Variants in DSCAM observed in about 807,000 individuals in gnomAD.
DSCAM encodes cell adhesion molecule DSCAM.
DSCAM carries 47 observed loss-of-function variants against 217.7 expected under a neutral mutation model. The observed-to-expected ratio is 0.22, with a 90% CI of 0.17 to 0.28. The LOEUF (loss-of-function observed/expected upper bound fraction) is 0.28, where lower values mean the gene tolerates loss of function less well. Ranked by LOEUF, DSCAM falls within the 10% of genes least tolerant of loss-of-function variation. The pLI is 1.00. For synonymous variants in DSCAM, 1,056 were observed against 1,015.3 expected (o/e 1.04, Z -0.76); for missense variants, 2,080 against 2,618.3 (o/e 0.79, Z 4.49).
intron 8 of DSCAM, among the ~76,000 whole-genome samples, chr21:40,327,014 C>T (rs1032329103): frequency 4.6e-5 from 7 of 151,104 alleles, no homozygotes; most frequent in African/African-American, 1.2e-4. Context: ...ATGAAGTACA[C>T]AATTTTATTG....
intron 11 of DSCAM, among the ~76,000 whole-genome samples, chr21:40,204,347 G>A (rs1222172988): frequency 6.6e-6 from 1 of 152,218 alleles, no homozygotes; most frequent in Non-Finnish European, 1.5e-5. Flanking sequence ...CTGGGTGTCT[G>A]CTGGAAGACT....
chr21:40,362,171 A>G (rs1482324099), intron 4 of DSCAM, among the ~76,000 whole-genome samples: 2 of 152,060 alleles, frequency 1.3e-5, no homozygotes, highest in African/African-American at 4.8e-5. Context: ...CCAGTCTATC[A>G]TTGTTGGACA....
At chr21:40,118,212 G>A (rs1206656967) in intron 20 of DSCAM, among the ~76,000 whole-genome samples, 1 of 152,216 alleles carries the variant, frequency 6.6e-6, no homozygotes, top group Non-Finnish European at 1.5e-5. Flanking sequence ...TGACAGGGAT[G>A]TGGACAACAG....
chr21:40,541,034 A>G (rs189437992), intron 3 of DSCAM, among the ~76,000 whole-genome samples: 2 of 152,278 alleles, frequency 1.3e-5, no homozygotes, highest in East Asian at 3.9e-4. Context: ...TAAATGTTAT[A>G]AATAAAACAA....
chr21:40,616,755 C>T (rs1014424532), intron 3 of DSCAM, among the ~76,000 whole-genome samples: 12 of 152,140 alleles, frequency 7.9e-5, no homozygotes, highest in East Asian at 3.9e-4. Flanking sequence ...CGGTGGCTCA[C>T]GCCTGTAATC....
intron 32 of DSCAM, among the ~76,000 whole-genome samples, chr21:40,022,232 G>C (rs949641512): frequency 1.4e-4 from 21 of 152,140 alleles, no homozygotes; most frequent in Admixed American, 9.2e-4. Flanking sequence ...GCAAAGTCTG[G>C]AGACATTTTG....
intron 3 of DSCAM, among the ~76,000 whole-genome samples, chr21:40,406,660 G>A (rs963096393): frequency 8.5e-5 from 13 of 152,058 alleles, no homozygotes; most frequent in Admixed American, 5.2e-4. Flanking sequence ...GCACAATCTC[G>A]GCTCACTGCA....
At chr21:40,313,694 C>T (rs531720656) in intron 8 of DSCAM, among the ~76,000 whole-genome samples, 4 of 152,152 alleles carry the variant, frequency 2.6e-5, no homozygotes, top group African/African-American at 7.2e-5. Context: ...AACTAGTTAA[C>T]TATTCTCGGA....
At chr21:40,671,360 T>A (rs909689225) in intron 3 of DSCAM, among the ~76,000 whole-genome samples, 3 of 151,962 alleles carry the variant, frequency 2.0e-5, no homozygotes, top group Non-Finnish European at 4.4e-5. Flanking sequence ...CCTGAACAAA[T>A]AAAAAAGTCT....
rs926796317 is a variant in DSCAM at position 40,371,411 on chromosome 21, G to A, written c.509-2166C>T. 5.0e-4 allele frequency among the ~76,000 whole-genome samples: 64 copies of A among 126,916 alleles called. 1 individual carries two copies. Among genetic ancestry groups the A allele is most frequent in the Admixed American group, 7.0e-4 (9 of 12,804 alleles). The allele number at this position is 126,916 out of a possible 152,430, so 83.3% of individuals were successfully genotyped here. On this transcript the variant is annotated intron_variant, in intron 3 of 32. Coordinates refer to ENST00000400454, the MANE Select transcript of DSCAM (RefSeq NM_001389.5). Reference sequence around the variant, plus strand: ...CCTTTAAAGTACAGTTTGATAGACAGAAAGGAAAGTCAAAAAAAAAAAAAG... The same window carrying A: ...CCTTTAAAGTACAGTTTGATAGACAAAAAGGAAAGTCAAAAAAAAAAAAAG...
At chr21:40,174,876 A>G (rs2090706671) in intron 15 of DSCAM, among the ~76,000 whole-genome samples, 1 of 152,190 alleles carries the variant, frequency 6.6e-6, no homozygotes, top group Admixed American at 6.5e-5. Context: ...GACATGCCCT[A>G]TTCCATCAGG....
intron 32 of DSCAM, among the ~76,000 whole-genome samples, chr21:40,041,458 T>C (rs1371057469): frequency 6.6e-6 from 1 of 151,724 alleles, no homozygotes; most frequent in Non-Finnish European, 1.5e-5. Context: ...AAAACCAAGT[T>C]TTCCGGCTTC....
chr21:40,012,892 G>A lies in DSCAM; in HGVS notation c.*142C>T. 3 of 612,382 alleles carry A rather than the reference G, an allele frequency of 4.9e-6. No individual in the cohort carries two copies. The highest frequency in any genetic ancestry group is 4.8e-6 in the Non-Finnish European group (2 of 413,334). 37.9% of individuals were successfully genotyped at this position (612,382 alleles called of 1,614,324 possible). On this transcript the variant is annotated 3_prime_UTR_variant, in exon 33 of 33. Transcript: ENST00000400454. ...CAGGAGAGTCTTTGCACTGTCTGTG[G>A]TTTCAGTATTTTCTCTTTTTTTTTT...
intron 3 of DSCAM, among the ~76,000 whole-genome samples, chr21:40,669,586 A>ATTT (rs1568974154): frequency 3.1e-5 from 1 of 32,178 alleles, no homozygotes; most frequent in African/African-American, 8.9e-5. Context: ...ATGTTGTTAT[A>ATTT]TATATTTTTT....
intron 32 of DSCAM, among the ~76,000 whole-genome samples, chr21:40,028,711 C>T (rs374319196): frequency 1.1e-3 from 161 of 152,220 alleles, no homozygotes; most frequent in African/African-American, 3.1e-3. Flanking sequence ...CTTCGGCTCA[C>T]GCACAGTGTG....
At chr21:40,080,917 T>C (rs2089446278) in intron 24 of DSCAM, among the ~76,000 whole-genome samples, 1 of 152,306 alleles carries the variant, frequency 6.6e-6, no homozygotes, top group East Asian at 1.9e-4. Flanking sequence ...TTCCCCCACA[T>C]GAGCACTACC....
At chr21:40,032,214 C>A (rs1427714998) in intron 32 of DSCAM, among the ~76,000 whole-genome samples, 2 of 152,124 alleles carry the variant, frequency 1.3e-5, no homozygotes, top group African/African-American at 4.8e-5. Context: ...GGAACTGTAT[C>A]CATCTTTGGA....
Position 40,578,087 on chromosome 21 carries a change from G to A in DSCAM, c.508+114723C>T, listed in dbSNP as rs144792620. Among the ~76,000 whole-genome samples, 15 of 152,262 alleles carry A rather than the reference G, an allele frequency of 9.9e-5. No individual in the cohort carries two copies. The East Asian group carries it at 2.7e-3, about 27-fold the overall frequency. ...GTTGGGCATTACATTAGAAAACCAGGTATTTGCAAGGATTGGTGAGTATAT... is the reference window on the plus strand; with the variant it reads ...GTTGGGCATTACATTAGAAAACCAGATATTTGCAAGGATTGGTGAGTATAT... On this transcript the variant is annotated intron_variant, in intron 3 of 32. Coordinates refer to ENST00000400454, the MANE Select transcript of DSCAM (RefSeq NM_001389.5).
intron 32 of DSCAM, among the ~76,000 whole-genome samples, chr21:40,039,721 T>C (rs954717217): frequency 1.3e-5 from 2 of 149,536 alleles, no homozygotes; most frequent in Non-Finnish European, 3.0e-5. Flanking sequence ...ATATTTCCTA[T>C]TTTTCTGAAG....
Sources: gnomAD v4.1 joint callset for allele counts (sites outside exome capture counted in the v4.1 genomes callset) on GRCh38, gnomAD v4.1.1 for gene constraint, MANE v1.5 for transcripts, NCBI Gene and HGNC (gene_info 2026-07-23, HGNC 2026-07-21) for gene names.